Variants in PDE11A observed in about 807,000 individuals in gnomAD.
PDE11A encodes the protein phosphodiesterase 11A, also known as dual 3',5'-cyclic-AMP and -GMP phosphodiesterase 11A.
Under a neutral mutation model 100.5 loss-of-function variants are expected in PDE11A, and 100 were observed. The observed-to-expected ratio is 1.00, with a 90% CI of 0.85 to 1.18. PDE11A has a LOEUF of 1.18. PDE11A is among the 50% of genes most tolerant of loss of function. The probability of loss-of-function intolerance (pLI) is 0.00; values close to 1 mark genes in which losing one functional copy is unlikely to be tolerated. For missense variants in PDE11A, 1,141 were observed against 1,152.6 expected (o/e 0.99, Z 0.15); for synonymous variants, 381 against 420.8 (o/e 0.91, Z 1.16).
Position 177,853,702 on chromosome 2 carries a change from GTGTGTGTGTGTT to G in PDE11A, c.1368-13331_1368-13320del, listed in dbSNP as rs1198422677. Among the ~76,000 whole-genome samples the G allele has an allele frequency of 2.7e-3, 97 of 36,172 alleles. 5 individuals are homozygous for G. The highest frequency in any genetic ancestry group is 6.0e-3 in the African/African-American group (77 of 12,898). The allele number at this position is 36,172 out of a possible 152,430, so 23.7% of individuals were successfully genotyped here. On this transcript the variant is annotated intron_variant, in intron 5 of 19. Transcript: ENST00000286063. ...TATATGTGTGTGTGTGTGTGTGTGT[GTGTGTGTGTGTT>G]TGTGTGTGTGTGTGTGTATATCTAT...
chr2:177,789,540 A>T (rs7423941), intron 9 of PDE11A, among the ~76,000 whole-genome samples: 2 of 150,384 alleles, frequency 1.3e-5, no homozygotes, highest in African/African-American at 2.5e-5. Flanking sequence ...TCTGGCCAGG[A>T]CAATTAGGCA....
rs936470441 is a variant in PDE11A, at chr2:178,040,101, G to T, written c.913-25641C>A. Among the ~76,000 whole-genome samples the T allele has an allele frequency of 2.4e-4, 26 of 109,642 alleles. No homozygotes were observed. In the East Asian group the frequency reaches 7.8e-3, roughly 33 times the overall value. 71.9% of individuals were successfully genotyped at this position (109,642 alleles called of 152,430 possible). ...TTTTTTGAGACAGAGTTTCACTCTT[G>T]TTCCCCAGGCTGGAGTGCAACAGCG... On this transcript the variant is annotated intron_variant, in intron 1 of 19. Coordinates refer to ENST00000286063, the MANE Select transcript of PDE11A (RefSeq NM_016953.4).
chr2:178,014,769 A>G (rs960189646), intron 1 of PDE11A, among the ~76,000 whole-genome samples: 1 of 152,186 alleles, frequency 6.6e-6, no homozygotes, highest in African/African-American at 2.4e-5. Flanking sequence ...GTTATTTCAA[A>G]AAGACAGGAT....
intron 1 of PDE11A, 95 bp from the exon 2 acceptor site, chr2:178,014,555 G>A: frequency 1.1e-6 from 1 of 917,044 alleles, no homozygotes; most frequent in Non-Finnish European, 1.7e-6. Context: ...CCTTATCACT[G>A]GGAACTAGCC....
At chr2:178,085,439 C>T (rs2087337543) in intron 2 of PDE11A, among the ~76,000 whole-genome samples, 2 of 152,106 alleles carry the variant, frequency 1.3e-5, no homozygotes, top group Admixed American at 1.3e-4. Context: ...ATGCTCACTA[C>T]TTGGGTGATG....
In PDE11A at chr2:178,072,078, C is replaced by G; in HGVS notation, c.360G>C (p.Glu120Asp). ...TGGAGCGGGCAAAACTCTTCCTTAG[C>G]TCTTTCTGAGAAGCTCTCCGCTGCA... ...GNLQRRASQK[E>D]LRKSFARSKA... Residue 120 changes from glutamate (E) to aspartate (D), a missense_variant, in exon 1 of 20, where the codon GAG (glutamate) becomes GAC (aspartate). Coordinates refer to ENST00000286063, the MANE Select transcript of PDE11A (RefSeq NM_016953.4). The G allele has an allele frequency of 6.2e-7, 1 of 1,614,160 alleles. No homozygotes were observed. The highest frequency in any genetic ancestry group is 8.5e-7 in the Non-Finnish European group (1 of 1,180,002).
intron 19 of PDE11A, among the ~76,000 whole-genome samples, chr2:177,649,878 A>G (rs989980822): frequency 3.3e-5 from 5 of 152,222 alleles, no homozygotes; most frequent in African/African-American, 1.2e-4. Context: ...TTAAAAGTCT[A>G]TCATGAACAG....
chr2:177,831,894 A>G (rs1159632828), intron 6 of PDE11A, among the ~76,000 whole-genome samples: 4 of 152,214 alleles, frequency 2.6e-5, no homozygotes, highest in African/African-American at 7.2e-5. Context: ...GGCTTTAGCT[A>G]TGTCTTAAGG....
At chr2:177,798,547 T>C (rs1297737892) in intron 9 of PDE11A, among the ~76,000 whole-genome samples, 1 of 152,194 alleles carries the variant, frequency 6.6e-6, no homozygotes, top group East Asian at 1.9e-4. Context: ...AAGTAGTACA[T>C]AGACTCCCCT....
rs1367006974 is a variant in PDE11A at position 177,669,494 on chromosome 2, G to A, written c.2561C>T (p.Ser854Leu). 1 of 1,214,310 alleles carries A rather than the reference G, an allele frequency of 8.2e-7. No individual in the cohort carries two copies. The highest frequency in any genetic ancestry group is 1.2e-6 in the Non-Finnish European group (1 of 815,068). 75.2% of individuals were successfully genotyped at this position (1,214,310 alleles called of 1,614,324 possible). ...GTTATAATTAAAGGATGAACTCACT[G>A]AAGGAGTGAGTTTGAGCTCTAATCT... is the stretch of plus-strand genomic sequence containing the variant. The part of the protein sequence containing the change: ...RERLELKLTP[S>L]AIFDRNRKDE... Residue 854 changes from serine (S) to leucine (L), a missense_variant and splice_region_variant, in exon 18 of 20, where the codon TCA becomes TTA. Ser to Leu is a moderately radical substitution (Grantham distance 145, BLOSUM62 -2). Transcript: ENST00000286063.
chr2:177,845,550 G>C (rs1006020422), intron 5 of PDE11A, among the ~76,000 whole-genome samples: 1 of 151,826 alleles, frequency 6.6e-6, no homozygotes, highest in African/African-American at 2.4e-5. Flanking sequence ...TTCCAGACTG[G>C]GCAGCCAGGC....
intron 1 of PDE11A, among the ~76,000 whole-genome samples, chr2:178,030,523 AT>A (rs2086532259): frequency 6.6e-6 from 1 of 152,050 alleles, no homozygotes; most frequent in African/African-American, 2.4e-5. Context: ...AAGAAAGACC[AT>A]TCTCCCAGTT....
In PDE11A at chr2:177,754,388, T is replaced by C. The variant is rs987862440; in HGVS notation, c.1788+14935A>G. On this transcript the variant is annotated intron_variant, in intron 10 of 19. Coordinates refer to ENST00000286063, the MANE Select transcript of PDE11A (RefSeq NM_016953.4). ...CAAAAAACAAAAAAACTCAAGGTTGTCCTACCCTCAGATCTCCTGCTTTTT... is the reference window on the plus strand; with the variant it reads ...CAAAAAACAAAAAAACTCAAGGTTGCCCTACCCTCAGATCTCCTGCTTTTT... 4.6e-5 allele frequency among the ~76,000 whole-genome samples: 7 copies of C among 152,356 alleles called. No homozygotes were observed. The South Asian group carries it at 1.4e-3, about 32-fold the overall frequency.
chr2:178,097,932 G>C (rs1305037466), intron 2 of PDE11A, among the ~76,000 whole-genome samples: 2 of 152,170 alleles, frequency 1.3e-5, no homozygotes, highest in African/African-American at 4.8e-5. Context: ...TAAAGGCACT[G>C]AATCTATCAA....
intron 19 of PDE11A, among the ~76,000 whole-genome samples, chr2:177,646,732 G>C (rs16865501): frequency 0.098 from 14,906 of 152,260 alleles, 912 homozygotes; most frequent in East Asian, 0.19. Context: ...ACAGGAAAGT[G>C]GAGGTCTTGC....
chr2:177,700,213 T>C (rs76367839), intron 14 of PDE11A, among the ~76,000 whole-genome samples: 2,599 of 152,216 alleles, frequency 0.017, 68 homozygotes, highest in African/African-American at 0.059. Context: ...CTCTCCTTTA[T>C]GGGGTCGAAG....
At chr2:177,998,894 G>A (rs1358823627) in intron 2 of PDE11A, 8 of 508,776 alleles carry the variant, frequency 1.6e-5, no homozygotes, top group Non-Finnish European at 2.9e-5. Flanking sequence ...TCTTTAAAGT[G>A]TAAAACAATG....
intron 2 of PDE11A, among the ~76,000 whole-genome samples, chr2:178,009,621 G>A (rs1416112833): frequency 6.6e-6 from 1 of 152,144 alleles, no homozygotes; most frequent in African/African-American, 2.4e-5. Flanking sequence ...AGGTGGCAGG[G>A]AATGGACTTG....
At chr2:178,048,022 C>T (rs981785604) in intron 1 of PDE11A, among the ~76,000 whole-genome samples, 1 of 152,146 alleles carries the variant, frequency 6.6e-6, no homozygotes, top group African/African-American at 2.4e-5. Context: ...CACTGCCTAC[C>T]CAGGATGAAC....
Sources: gnomAD v4.1 joint callset for allele counts (sites outside exome capture counted in the v4.1 genomes callset) on GRCh38, gnomAD v4.1.1 for gene constraint, MANE v1.5 for transcripts, NCBI Gene and HGNC (gene_info 2026-07-23, HGNC 2026-07-21) for gene names.